The following GRIK2 variants were observed in gnomAD, a reference collection of about 807,000 sequenced individuals.
GRIK2 encodes glutamate ionotropic receptor kainate type subunit 2.
In GRIK2, 32 loss-of-function variants were observed where a neutral mutation model predicts 100.3. The ratio of observed to expected loss-of-function variants is 0.32; its 90% CI spans 0.24 to 0.43. GRIK2 has a LOEUF of 0.43. Ranked by LOEUF, GRIK2 falls within the 20% of genes least tolerant of loss-of-function variation. GRIK2 has a pLI of 1.00. For missense variants in GRIK2, 843 were observed against 1,114.9 expected (o/e 0.76, Z 3.47); for synonymous variants, 417 against 389.4 (o/e 1.07, Z -0.83).
At chr6:101,598,593 A>T (rs79089448) in intron 2 of GRIK2, among the ~76,000 whole-genome samples, 53 of 82,956 alleles carry the variant, frequency 6.4e-4, no homozygotes, top group African/African-American at 1.4e-3. Context: ...CTTCCTTAAT[A>T]AAAAAAAAAA....
At chr6:101,598,616 G>GAAA (rs147561022) in intron 2 of GRIK2, among the ~76,000 whole-genome samples, 1 of 124,502 alleles carries the variant, frequency 8.0e-6, no homozygotes, top group Non-Finnish European at 1.7e-5. Context: ...AAAAAAGAAA[G>GAAA]AAAAAAAATT....
intron 2 of GRIK2, among the ~76,000 whole-genome samples, chr6:101,546,095 T>A (rs1776217495): frequency 6.6e-6 from 1 of 152,196 alleles, no homozygotes; most frequent in South Asian, 2.1e-4. Flanking sequence ...TTATTCACTT[T>A]TAGATTTCGA....
rs191018836 is a variant in GRIK2 at position 101,810,292 on chromosome 6, A to G, written c.1203+7854A>G. On this transcript the variant is annotated intron_variant, in intron 9 of 16. Transcript: ENST00000369134. ...TCACAACCTGTCTGTTAACTCTTTA[A>G]TTGTGCTTAGCATTAAATTGCCCTA... 7.9e-5 allele frequency among the ~76,000 whole-genome samples: 12 copies of G among 152,100 alleles called. No individual in the cohort carries two copies. In the East Asian group the frequency reaches 2.3e-3, roughly 29 times the overall value.
At chr6:101,454,496 G>A (rs1044597811) in intron 2 of GRIK2, among the ~76,000 whole-genome samples, 6 of 152,076 alleles carry the variant, frequency 3.9e-5, no homozygotes, top group African/African-American at 9.7e-5. Context: ...CCAGTTCAGC[G>A]GTCTCAAGTC....
intron 7 of GRIK2, among the ~76,000 whole-genome samples, chr6:101,789,901 C>T (rs1779718279): frequency 6.6e-6 from 1 of 152,066 alleles, no homozygotes; most frequent in African/African-American, 2.4e-5. Context: ...GTTTGTAGTT[C>T]TCCTTGAAGA....
intron 10 of GRIK2, among the ~76,000 whole-genome samples, chr6:101,854,076 A>G (rs1434769308): frequency 2.0e-5 from 3 of 152,142 alleles, no homozygotes; most frequent in Admixed American, 2.0e-4. Flanking sequence ...AAGGTAAACT[A>G]TGGACTGGGA....
intron 15 of GRIK2, among the ~76,000 whole-genome samples, chr6:102,047,278 A>C (rs1371431766): frequency 6.6e-6 from 1 of 152,122 alleles, no homozygotes; most frequent in African/African-American, 2.4e-5. Context: ...TCTTTAAAAA[A>C]ATAAACAAAA....
chr6:101,418,858 A>G (rs1057047589), intron 2 of GRIK2, among the ~76,000 whole-genome samples: 7 of 152,166 alleles, frequency 4.6e-5, no homozygotes, highest in African/African-American at 1.2e-4. Flanking sequence ...GTAATTTTCA[A>G]TTTTCTCTCA....
rs6149728 is a variant in GRIK2, at chr6:101,908,327, G to GGCAAAAAAAAAATTAGGCAAAAAC, written c.1749-16274_1749-16273insGCAAAAAAAAAATTAGGCAAAAAC. Among the ~76,000 whole-genome samples, 68 of 146,338 alleles carry GGCAAAAAAAAAATTAGGCAAAAAC rather than the reference G, an allele frequency of 4.6e-4. 1 individual carries two copies. Among genetic ancestry groups the GGCAAAAAAAAAATTAGGCAAAAAC allele is most frequent in the Non-Finnish European group, 1.5e-4 (10 of 66,160 alleles). Reference sequence around the variant, plus strand: ...TAATGGCAAAAACCACAATTATTTTGCACCAGCCTAATATTTTTACATACT... The same window carrying GGCAAAAAAAAAATTAGGCAAAAAC: ...TAATGGCAAAAACCACAATTATTTTGGCAAAAAAAAAATTAGGCAAAAACCACCAGCCTAATATTTTTACATACT... On this transcript the variant is annotated intron_variant, in intron 12 of 16. Coordinates refer to ENST00000369134, the MANE Select transcript of GRIK2 (RefSeq NM_021956.5).
At chr6:101,753,297 A>AAAG (rs1554258372) in intron 7 of GRIK2, among the ~76,000 whole-genome samples, 5 of 147,330 alleles carry the variant, frequency 3.4e-5, no homozygotes, top group South Asian at 4.2e-4. Context: ...AAAAAAAAAA[A>AAAG]AAAAAGAAAA....
intron 10 of GRIK2, among the ~76,000 whole-genome samples, chr6:101,857,321 A>G (rs1157888212): frequency 6.6e-6 from 1 of 152,216 alleles, no homozygotes; most frequent in African/African-American, 2.4e-5. Flanking sequence ...CAACGTGCCA[A>G]TCTCTGACCA....
At chr6:101,954,425 T>C (rs1320144237) in intron 14 of GRIK2, among the ~76,000 whole-genome samples, 2 of 152,112 alleles carry the variant, frequency 1.3e-5, no homozygotes, top group African/African-American at 4.8e-5. Context: ...GATCTTGCAC[T>C]TCTTTAAAGA....
chr6:101,695,289 G>A (rs1254716012), intron 7 of GRIK2, among the ~76,000 whole-genome samples: 1 of 152,082 alleles, frequency 6.6e-6, no homozygotes, highest in Non-Finnish European at 1.5e-5. Context: ...AAGGGCAAGA[G>A]AGTGGTCCTT....
At chr6:101,700,224 T>TTAA (rs775159987) in intron 7 of GRIK2, among the ~76,000 whole-genome samples, 37 of 151,534 alleles carry the variant, frequency 2.4e-4, no homozygotes, top group African/African-American at 7.5e-4. Flanking sequence ...TAGAACTAAA[T>TTAA]TAATAATAAT....
chr6:101,976,513 T>C (rs951774799), intron 14 of GRIK2, among the ~76,000 whole-genome samples: 4 of 151,784 alleles, frequency 2.6e-5, no homozygotes, highest in African/African-American at 7.3e-5. Flanking sequence ...CTGGGCAACA[T>C]GGAGAAATCG....
intron 3 of GRIK2, among the ~76,000 whole-genome samples, chr6:101,624,199 T>C (rs1033993369): frequency 6.6e-6 from 1 of 152,108 alleles, no homozygotes; most frequent in South Asian, 2.1e-4. Flanking sequence ...AACCGAAAGC[T>C]CTAATCTTGC....
intron 2 of GRIK2, among the ~76,000 whole-genome samples, chr6:101,565,084 C>G (rs903804868): frequency 2.0e-5 from 3 of 151,990 alleles, no homozygotes; most frequent in Non-Finnish European, 2.9e-5. Flanking sequence ...GCTGGATTGT[C>G]CTGAAAGATG....
At chr6:101,788,199 G>A (rs775941650) in intron 7 of GRIK2, among the ~76,000 whole-genome samples, 1 of 151,536 alleles carries the variant, frequency 6.6e-6, no homozygotes, top group South Asian at 2.1e-4. Flanking sequence ...CGAGTGAGAT[G>A]AATTTCTTTC....
intron 2 of GRIK2, among the ~76,000 whole-genome samples, chr6:101,464,456 G>A (rs547400918): frequency 6.9e-6 from 1 of 145,278 alleles, no homozygotes; most frequent in East Asian, 2.1e-4. Context: ...ATAAGTCACT[G>A]CATTGTGCTT....
Sources: gnomAD v4.1 joint callset for allele counts (sites outside exome capture counted in the v4.1 genomes callset) on GRCh38, gnomAD v4.1.1 for gene constraint, MANE v1.5 for transcripts, NCBI Gene and HGNC (gene_info 2026-07-23, HGNC 2026-07-21) for gene names.